Variants in SPON1 observed in about 807,000 individuals in gnomAD.
SPON1 encodes spondin-1.
In SPON1, 52 loss-of-function variants were observed where a neutral mutation model predicts 111.7. That is an observed-to-expected ratio of 0.47 (90% CI 0.37 to 0.59). The LOEUF (loss-of-function observed/expected upper bound fraction) is 0.59, where lower values mean the gene tolerates loss of function less well. SPON1 is among the 20% of genes least tolerant of loss of function. The probability of loss-of-function intolerance (pLI) is 0.00; values close to 1 mark genes in which losing one functional copy is unlikely to be tolerated. For missense variants in SPON1, 957 were observed against 1,068.5 expected, an observed-to-expected ratio of 0.90 and a Z score of 1.46; for synonymous variants, 410 against 395.8, an observed-to-expected ratio of 1.04 and a Z score of -0.43.
intron 6 of SPON1, among the ~76,000 whole-genome samples, chr11:14,172,063 C>T (rs1356628796): frequency 1.3e-5 from 2 of 152,086 alleles, no homozygotes; most frequent in Middle Eastern, 6.8e-3. Context: ...CTTTCTGTCT[C>T]GTTGATCTGT....
chr11:13,994,090 G>A (rs1174956865), intron 2 of SPON1, among the ~76,000 whole-genome samples: 2 of 152,220 alleles, frequency 1.3e-5, no homozygotes, highest in Admixed American at 6.5e-5. Flanking sequence ...AATATTTAGT[G>A]GCATTTAATG....
intron 6 of SPON1, among the ~76,000 whole-genome samples, chr11:14,200,695 A>G (rs1218327458): frequency 1.3e-5 from 2 of 151,884 alleles, no homozygotes; most frequent in Non-Finnish European, 2.9e-5. Context: ...CATGCCTGTA[A>G]TCCCAGCTAC....
At chr11:14,210,700 C>T (rs1328047846) in intron 6 of SPON1, among the ~76,000 whole-genome samples, 1 of 152,110 alleles carries the variant, frequency 6.6e-6, no homozygotes, top group Non-Finnish European at 1.5e-5. Context: ...CGCACCCGGG[C>T]ATCTAGGTTT....
At chr11:14,158,583 A>G (rs931626642) in intron 6 of SPON1, among the ~76,000 whole-genome samples, 1 of 152,170 alleles carries the variant, frequency 6.6e-6, no homozygotes, top group Non-Finnish European at 1.5e-5. Context: ...TGTGTGGCTG[A>G]TGAAAAAGCC....
At chr11:14,048,871 C>T (rs1002393183) in intron 3 of SPON1, among the ~76,000 whole-genome samples, 3 of 152,184 alleles carry the variant, frequency 2.0e-5, no homozygotes, top group Non-Finnish European at 4.4e-5. Context: ...ACTTACTTGT[C>T]CCTTCCTGGA....
At chr11:14,224,833 C>A in intron 6 of SPON1, 1 of 363,984 alleles carries the variant, frequency 2.7e-6, no homozygotes. Flanking sequence ...GGCTTTACCC[C>A]TAAAGCCAAA....
chr11:14,223,893 G>A (rs1198304289), intron 6 of SPON1, among the ~76,000 whole-genome samples: 1 of 152,242 alleles, frequency 6.6e-6, no homozygotes, highest in African/African-American at 2.4e-5. Context: ...CTGCACCACT[G>A]AGGACCTGCA....
intron 5 of SPON1, among the ~76,000 whole-genome samples, chr11:14,091,378 G>T (rs561172093): frequency 6.6e-6 from 1 of 152,350 alleles, no homozygotes; most frequent in East Asian, 1.9e-4. Context: ...TGGAGCAGGG[G>T]GTGGTGCTCG....
intron 6 of SPON1, among the ~76,000 whole-genome samples, chr11:14,231,367 G>A (rs977310588): frequency 5.3e-5 from 8 of 151,332 alleles, no homozygotes; most frequent in Admixed American, 2.0e-4. Flanking sequence ...TCTCCTGACC[G>A]CGTGATCCAC....
intron 2 of SPON1, among the ~76,000 whole-genome samples, chr11:14,000,155 T>A (rs1848305974): frequency 1.3e-5 from 2 of 152,304 alleles, no homozygotes; most frequent in African/African-American, 2.4e-5. Context: ...TTATGTCATC[T>A]GCAGAGTGAA....
At chr11:13,988,946 T>C (rs1848206871) in intron 2 of SPON1, among the ~76,000 whole-genome samples, 1 of 152,218 alleles carries the variant, frequency 6.6e-6, no homozygotes, top group Non-Finnish European at 1.5e-5. Context: ...TGGATTTGGT[T>C]TACCAGTATT....
chr11:14,114,601 C>T (rs1315625076), intron 5 of SPON1, among the ~76,000 whole-genome samples: 1 of 152,200 alleles, frequency 6.6e-6, no homozygotes, highest in Non-Finnish European at 1.5e-5. Context: ...GATTGCCACC[C>T]TCCATCCAGC....
intron 5 of SPON1, among the ~76,000 whole-genome samples, chr11:14,103,105 T>A (rs1408326265): frequency 6.6e-6 from 1 of 152,110 alleles, no homozygotes; most frequent in Non-Finnish European, 1.5e-5. Context: ...CCTTCTGGTG[T>A]GTATAAGGAA....
intron 6 of SPON1, among the ~76,000 whole-genome samples, chr11:14,151,302 C>G (rs1361831537): frequency 1.3e-5 from 2 of 152,160 alleles, no homozygotes; most frequent in African/African-American, 4.8e-5. Flanking sequence ...GTCCACCCAG[C>G]TTGCCTAGAA....
intron 6 of SPON1, among the ~76,000 whole-genome samples, chr11:14,172,819 C>T (rs1848123093): frequency 6.6e-6 from 1 of 151,890 alleles, no homozygotes; most frequent in Non-Finnish European, 1.5e-5. Context: ...TGAATATTGG[C>T]CCCCACTCTC....
chr11:14,160,538 T>C (rs192867177), intron 6 of SPON1, among the ~76,000 whole-genome samples: 2 of 26,124 alleles, frequency 7.7e-5, no homozygotes, highest in Admixed American at 1.6e-3. Flanking sequence ...TATATATTTA[T>C]ATATATATTT....
intron 6 of SPON1, among the ~76,000 whole-genome samples, chr11:14,221,476 G>A (rs782127727): frequency 1.3e-5 from 2 of 152,168 alleles, no homozygotes; most frequent in Non-Finnish European, 2.9e-5. Flanking sequence ...CCTGGAATTT[G>A]GACTTAGAAC....
At chr11:14,253,843 G>A (rs1554940879) in intron 7 of SPON1, among the ~76,000 whole-genome samples, 1 of 152,224 alleles carries the variant, frequency 6.6e-6, no homozygotes, top group Non-Finnish European at 1.5e-5. Flanking sequence ...GAAATAATAT[G>A]GGACTGCCAC....
chr11:14,045,934 C>A (rs894773619), intron 3 of SPON1, among the ~76,000 whole-genome samples: 1 of 151,952 alleles, frequency 6.6e-6, no homozygotes, highest in African/African-American at 2.4e-5. Context: ...TTTTCCTATG[C>A]CTAAGGCTAT....
Sources: gnomAD v4.1 joint callset for allele counts (sites outside exome capture counted in the v4.1 genomes callset) on GRCh38, gnomAD v4.1.1 for gene constraint, MANE v1.5 for transcripts, NCBI Gene and HGNC (gene_info 2026-07-23, HGNC 2026-07-21) for gene names.